The following KIF2A variants were observed in gnomAD, a reference collection of about 807,000 sequenced individuals.
KIF2A encodes the protein kinesin-like protein KIF2A.
A neutral mutation model predicts 100.2 loss-of-function variants in KIF2A; 22 were observed. That is an observed-to-expected ratio of 0.22 (90% confidence interval 0.16 to 0.31). KIF2A has a LOEUF of 0.31. Ranked by LOEUF, KIF2A falls within the 10% of genes least tolerant of loss-of-function variation. KIF2A has a pLI of 1.00. For synonymous variants in KIF2A, 268 were observed against 285.9 expected (o/e 0.94, Z 0.63); for missense variants, 495 against 898.7 (o/e 0.55, Z 5.74).
At chr5:62,363,395 TTATC>T (rs1287346391) in intron 13 of KIF2A, 75 bp downstream of exon 13, 1 of 1,341,352 alleles carries the variant, frequency 7.5e-7, no homozygotes, top group East Asian at 2.3e-5. Context: ...AATGAGGATG[TTATC>T]TATCAATACA....
At chr5:62,329,891 ATCTT>A (rs1746550248) in intron 1 of KIF2A, among the ~76,000 whole-genome samples, 6 of 152,232 alleles carry the variant, frequency 3.9e-5, no homozygotes, top group African/African-American at 1.4e-4. Context: ...TAAAAGACCA[ATCTT>A]AAAACTCTTT....
chr5:62,322,934 TAA>T (rs200112197), intron 1 of KIF2A, among the ~76,000 whole-genome samples: 2 of 97,998 alleles, frequency 2.0e-5, no homozygotes, highest in East Asian at 2.6e-4. Flanking sequence ...TTCAATTTAG[TAA>T]AAAAAAAAAA....
intron 1 of KIF2A, among the ~76,000 whole-genome samples, chr5:62,316,200 C>T (rs1041562554): frequency 3.9e-5 from 6 of 152,148 alleles, no homozygotes; most frequent in African/African-American, 1.4e-4. Flanking sequence ...TGGGAATTTG[C>T]TTAAGCTATA....
At chr5:62,356,587 A>C (rs1561270555) in intron 7 of KIF2A, among the ~76,000 whole-genome samples, 2 of 152,214 alleles carry the variant, frequency 1.3e-5, no homozygotes, top group Non-Finnish European at 2.9e-5. Context: ...TTTATAAAAA[A>C]TACTTATGCA....
chr5:62,369,764 G>A (rs546871826), intron 16 of KIF2A, among the ~76,000 whole-genome samples: 1 of 152,024 alleles, frequency 6.6e-6, no homozygotes, highest in East Asian at 1.9e-4. Context: ...GAGGTGGTGG[G>A]TAGGTGGCAT....
At chr5:62,327,671 C>T (rs1004596505) in intron 1 of KIF2A, among the ~76,000 whole-genome samples, 2 of 152,168 alleles carry the variant, frequency 1.3e-5, no homozygotes, top group African/African-American at 4.8e-5. Flanking sequence ...TTTGTTCTGG[C>T]AGCACTGAAT....
At chr5:62,385,339 G>C (rs1580111530) in intron 20 of KIF2A, 145 bp from the exon 21 acceptor site, 1 of 566,326 alleles carries the variant, frequency 1.8e-6, no homozygotes, top group East Asian at 2.9e-5. Flanking sequence ...ATTTAGTTCC[G>C]AGTTTCTAGA....
Position 62,306,548 on chromosome 5 carries a change from T to C in KIF2A, c.64+12T>C. On this transcript the variant is annotated intron_variant, in intron 1 of 20. Transcript: ENST00000407818. ...CAAGCGCAGCGATGGTGAGCCGCGC[T>C]GCCAGCCCCGCTGGCCCGCTCGGCC... The C allele has an allele frequency of 6.5e-7, 1 of 1,544,228 alleles. No homozygotes were observed. Among genetic ancestry groups the C allele is most frequent in the Non-Finnish European group, 8.7e-7 (1 of 1,143,790 alleles).
chr5:62,366,299 G>A, intron 15 of KIF2A, 115 bp from the exon 16 acceptor site: 1 of 677,448 alleles, frequency 1.5e-6, no homozygotes, highest in Non-Finnish European at 2.6e-6. Context: ...TCATTAATAA[G>A]TCTTTATTTT....
Position 62,377,643 on chromosome 5 carries a change from A to G in KIF2A, c.1912-18A>G. ...AATACACACTATATCATAATTTCTT[A>G]ACTATTTTTATTTTAAGGAAGAAGA... On this transcript the variant is annotated intron_variant, in intron 18 of 20. Transcript: ENST00000407818. 1 of 1,365,448 alleles carries G rather than the reference A, an allele frequency of 7.3e-7. No individual in the cohort carries two copies. Among genetic ancestry groups the G allele is most frequent in the South Asian group, 1.4e-5 (1 of 72,550 alleles). 84.6% of individuals were successfully genotyped at this position (1,365,448 alleles called of 1,614,324 possible).
At chr5:62,369,572 C>T (rs1478849864) in intron 16 of KIF2A, among the ~76,000 whole-genome samples, 1 of 152,144 alleles carries the variant, frequency 6.6e-6, no homozygotes, top group Non-Finnish European at 1.5e-5. Flanking sequence ...CTAACCATAT[C>T]AGACACATAA....
At chr5:62,320,381 G>A (rs1746037120) in intron 1 of KIF2A, among the ~76,000 whole-genome samples, 1 of 152,160 alleles carries the variant, frequency 6.6e-6, no homozygotes, top group Non-Finnish European at 1.5e-5. Flanking sequence ...AGAAGTAGAA[G>A]CACTGGGTCA....
intron 1 of KIF2A, among the ~76,000 whole-genome samples, chr5:62,344,897 A>G (rs760957878): frequency 1.3e-5 from 2 of 152,244 alleles, no homozygotes; most frequent in South Asian, 2.1e-4. Context: ...TTTGAAATCT[A>G]TAAGATTATG....
intron 19 of KIF2A, among the ~76,000 whole-genome samples, chr5:62,380,849 GGT>G (rs1195638273): frequency 3.3e-5 from 5 of 152,090 alleles, no homozygotes; most frequent in Non-Finnish European, 7.3e-5. Context: ...AAGTGGAGGA[GGT>G]GGAAGGGATG....
intron 1 of KIF2A, among the ~76,000 whole-genome samples, chr5:62,337,827 AAGT>A (rs1354258548): frequency 1.3e-5 from 2 of 152,090 alleles, no homozygotes; most frequent in Non-Finnish European, 2.9e-5. Flanking sequence ...AAAAAAAAAA[AAGT>A]AGCTTTGAGA....
chr5:62,318,339 C>T (rs1365466213), intron 1 of KIF2A, among the ~76,000 whole-genome samples: 1 of 152,170 alleles, frequency 6.6e-6, no homozygotes, highest in Non-Finnish European at 1.5e-5. Context: ...CCTTAGCCTC[C>T]CAAAGTGCTG....
At chr5:62,378,955 C>G (rs1021916514) in intron 19 of KIF2A, among the ~76,000 whole-genome samples, 1 of 152,020 alleles carries the variant, frequency 6.6e-6, no homozygotes, top group African/African-American at 2.4e-5. Flanking sequence ...ATGAGACTCT[C>G]TTTAGAAGCC....
intron 18 of KIF2A, 92 bp from the exon 19 acceptor site, chr5:62,377,569 C>A (rs1288478411): frequency 3.2e-6 from 2 of 625,084 alleles, no homozygotes; most frequent in Non-Finnish European, 5.2e-6. Flanking sequence ...TCTTCAATTT[C>A]TAAATGATAT....
intron 6 of KIF2A, 90 bp downstream of exon 6, chr5:62,353,465 G>T: frequency 1.8e-6 from 1 of 549,892 alleles, no homozygotes; most frequent in Non-Finnish European, 3.0e-6. Context: ...AAATAATTAA[G>T]GCATTTTTTT....
Sources: allele counts gnomAD v4.1 joint callset (sites outside exome capture counted in the v4.1 genomes callset), GRCh38; gene constraint gnomAD v4.1.1; transcripts MANE v1.5; gene names NCBI Gene and HGNC (gene_info 2026-07-23, HGNC 2026-07-21).